OTOP1: variants seen among roughly 807,000 people sequenced by gnomAD.
The protein encoded by OTOP1 is proton channel OTOP1.
In OTOP1, 59 loss-of-function variants were observed where a neutral mutation model predicts 52.9. That is an observed-to-expected ratio of 1.12 (90% CI 0.91 to 1.39). The LOEUF (loss-of-function observed/expected upper bound fraction) is 1.39, where lower values mean the gene tolerates loss of function less well. Ranked by LOEUF, OTOP1 falls within the 40% of genes most tolerant of loss-of-function variation. OTOP1 has a pLI of 0.00. For synonymous variants in OTOP1, 317 were observed against 337.7 expected (o/e 0.94, Z 0.67); for missense variants, 761 against 800.9 (o/e 0.95, Z 0.60).
intron 3 of OTOP1, among the ~76,000 whole-genome samples, chr4:4,205,615 C>T (rs1477256909): frequency 6.6e-6 from 1 of 152,124 alleles, no homozygotes; most frequent in African/African-American, 2.4e-5. Context: ...TAAACCACTG[C>T]CTTAAGAGAA....
chr4:4,222,703 C>G (rs1019232365), intron 1 of OTOP1, among the ~76,000 whole-genome samples: 21 of 152,192 alleles, frequency 1.4e-4, no homozygotes, highest in African/African-American at 4.8e-4. Context: ...GCTCTTTTTC[C>G]TGAGGGACTT....
intron 2 of OTOP1, among the ~76,000 whole-genome samples, chr4:4,210,734 G>T (rs1717007866): frequency 6.6e-6 from 1 of 152,158 alleles, no homozygotes; most frequent in Non-Finnish European, 1.5e-5. Flanking sequence ...GGGAGACTGA[G>T]GCAGGAGAAT....
At chr4:4,188,997 T>C (rs1239548181) in intron 5 of OTOP1, 24 bp from the exon 6 acceptor site, 2 of 1,606,450 alleles carry the variant, frequency 1.2e-6, no homozygotes, top group South Asian at 1.1e-5. Context: ...GAAAATGGCA[T>C]GTGGTGGGGA....
At chr4:4,216,971 T>C (rs1266123980) in intron 1 of OTOP1, among the ~76,000 whole-genome samples, 3 of 152,228 alleles carry the variant, frequency 2.0e-5, no homozygotes, top group Non-Finnish European at 4.4e-5. Flanking sequence ...TCAGCAGGTG[T>C]GGACGGGGCC....
intron 1 of OTOP1, among the ~76,000 whole-genome samples, chr4:4,225,848 T>C (rs562178287): frequency 2.1e-3 from 320 of 151,880 alleles, no homozygotes; most frequent in Admixed American, 4.0e-3. Flanking sequence ...CAGTGCGGGC[T>C]GGGGGCATGT....
intron 5 of OTOP1, among the ~76,000 whole-genome samples, chr4:4,195,305 C>G (rs555563824): frequency 1.3e-5 from 2 of 152,236 alleles, no homozygotes; most frequent in Non-Finnish European, 2.9e-5. Flanking sequence ...AAATGCTTCT[C>G]CCTGCCTTGA....
At chr4:4,199,152 G>T (rs1716718710) in intron 4 of OTOP1, among the ~76,000 whole-genome samples, 1 of 151,590 alleles carries the variant, frequency 6.6e-6, no homozygotes, top group Non-Finnish European at 1.5e-5. Flanking sequence ...TCGTGCCACT[G>T]CACTCCAGCC....
chr4:4,203,280 C>T (rs1040348965), intron 3 of OTOP1, among the ~76,000 whole-genome samples: 1 of 152,238 alleles, frequency 6.6e-6, no homozygotes, highest in African/African-American at 2.4e-5. Context: ...ATCTTATGAC[C>T]ATGAGACAGC....
At chr4:4,218,455 C>T (rs1717196183) in intron 1 of OTOP1, among the ~76,000 whole-genome samples, 2 of 150,554 alleles carry the variant, frequency 1.3e-5, no homozygotes, top group Non-Finnish European at 2.9e-5. Flanking sequence ...CCTTTGAAAG[C>T]CCTCATGGTA....
chr4:4,203,349 C>T (rs1235273238), intron 3 of OTOP1, among the ~76,000 whole-genome samples: 1 of 152,212 alleles, frequency 6.6e-6, no homozygotes, highest in Non-Finnish European at 1.5e-5. Flanking sequence ...TAGAAAAAGC[C>T]TGCTCGGTAA....
chr4:4,209,363 C>T (rs1232851857), intron 2 of OTOP1, among the ~76,000 whole-genome samples: 1 of 152,230 alleles, frequency 6.6e-6, no homozygotes, highest in East Asian at 1.9e-4. Context: ...CTCCAGTCAT[C>T]TAATGTAGCA....
At chr4:4,209,287 ACT>A (rs1250995727) in intron 2 of OTOP1, among the ~76,000 whole-genome samples, 2 of 151,980 alleles carry the variant, frequency 1.3e-5, no homozygotes, top group East Asian at 1.9e-4. Flanking sequence ...TAAAATAAAT[ACT>A]CTGTTTTTTA....
At chr4:4,214,533 C>T (rs1450022147) in intron 1 of OTOP1, among the ~76,000 whole-genome samples, 1 of 152,036 alleles carries the variant, frequency 6.6e-6, no homozygotes, top group Non-Finnish European at 1.5e-5. Flanking sequence ...TTTCAGTATC[C>T]AAAAGGTGGA....
intron 2 of OTOP1, among the ~76,000 whole-genome samples, chr4:4,208,021 T>C (rs892283556): frequency 6.6e-6 from 1 of 152,148 alleles, no homozygotes; most frequent in Admixed American, 6.6e-5. Flanking sequence ...TGCTTATGCA[T>C]CCGTCTAGCT....
intron 5 of OTOP1, among the ~76,000 whole-genome samples, chr4:4,195,972 G>T (rs1560204963): frequency 6.6e-6 from 1 of 152,168 alleles, no homozygotes; most frequent in Non-Finnish European, 1.5e-5. Flanking sequence ...CACACAGCAA[G>T]TCTTCAGTAG....
intron 1 of OTOP1, among the ~76,000 whole-genome samples, chr4:4,220,068 T>C (rs1717261784): frequency 7.9e-6 from 1 of 126,328 alleles, no homozygotes; most frequent in Non-Finnish European, 1.6e-5. Flanking sequence ...TGTATATACA[T>C]ATATATGTAT....
At chr4:4,220,351 G>A (rs74995719) in intron 1 of OTOP1, among the ~76,000 whole-genome samples, 2,290 of 152,036 alleles carry the variant, frequency 0.015, 60 homozygotes, top group African/African-American at 0.052. Flanking sequence ...AACTTGCTTT[G>A]ATATGTATAT....
At chr4:4,208,663 A>G (rs1226480218) in intron 2 of OTOP1, among the ~76,000 whole-genome samples, 4 of 152,144 alleles carry the variant, frequency 2.6e-5, no homozygotes, top group Admixed American at 1.3e-4. Flanking sequence ...TCAGAGTTTC[A>G]GTTTTGCAAG....
At chr4:4,197,023 A>T in intron 5 of OTOP1, 143 bp downstream of exon 5, 1 of 911,118 alleles carries the variant, frequency 1.1e-6, no homozygotes, top group Non-Finnish European at 1.6e-6. Context: ...TATGCTCATT[A>T]CCTGGGTGAT....
Sources: allele counts gnomAD v4.1 joint callset (sites outside exome capture counted in the v4.1 genomes callset), GRCh38; gene constraint gnomAD v4.1.1; transcripts MANE v1.5; gene names NCBI Gene and HGNC (gene_info 2026-07-23, HGNC 2026-07-21).